The following MEI4 variants were observed in gnomAD, a reference collection of about 807,000 sequenced individuals.
MEI4 encodes the protein meiotic double-stranded break formation protein 4.
Under a neutral mutation model 31.4 loss-of-function variants are expected in MEI4, and 27 were observed. That is an observed-to-expected ratio of 0.86 (90% CI 0.63 to 1.19). MEI4 has a LOEUF of 1.19. MEI4 is among the 50% of genes most tolerant of loss of function. The pLI, the probability that MEI4 is intolerant of heterozygous loss-of-function variation, is 0.00. For missense variants in MEI4, 329 were observed against 398.9 expected, an observed-to-expected ratio of 0.82 and a Z score of 1.49; for synonymous variants, 122 against 145.4, an observed-to-expected ratio of 0.84 and a Z score of 1.16.
intron 2 of MEI4, among the ~76,000 whole-genome samples, chr6:77,695,145 TG>T (rs1765988593): frequency 6.6e-6 from 1 of 152,196 alleles, no homozygotes; most frequent in South Asian, 2.1e-4. Context: ...TTGAGTTCAT[TG>T]TAGATTCTGG....
At chr6:77,741,776 C>A (rs1213749444) in intron 2 of MEI4, among the ~76,000 whole-genome samples, 33 of 111,534 alleles carry the variant, frequency 3.0e-4, no homozygotes, top group East Asian at 1.4e-3. Context: ...CCCCTCCCCC[C>A]ACCCCACAAC....
At chr6:77,665,443 G>A (rs1220064808) in intron 1 of MEI4, among the ~76,000 whole-genome samples, 1 of 152,032 alleles carries the variant, frequency 6.6e-6, no homozygotes, top group Non-Finnish European at 1.5e-5. Context: ...TGCCGCTAAG[G>A]GTGAAGGAGA....
chr6:77,669,020 T>C (rs1768688279), intron 1 of MEI4, among the ~76,000 whole-genome samples: 1 of 152,182 alleles, frequency 6.6e-6, no homozygotes, highest in African/African-American at 2.4e-5. Flanking sequence ...CTTTCCATCA[T>C]CTAGAAGCAT....
At chr6:77,734,011 T>G (rs999794085) in intron 2 of MEI4, among the ~76,000 whole-genome samples, 9 of 152,020 alleles carry the variant, frequency 5.9e-5, no homozygotes, top group Admixed American at 2.0e-4. Context: ...TATAATTTCT[T>G]TTCTTTTACA....
intron 1 of MEI4, among the ~76,000 whole-genome samples, chr6:77,658,433 A>G (rs1356481466): frequency 2.6e-5 from 4 of 152,118 alleles, no homozygotes; most frequent in African/African-American, 7.2e-5. Flanking sequence ...AGGGGATGCG[A>G]TGGCTTGGCT....
intron 2 of MEI4, among the ~76,000 whole-genome samples, chr6:77,730,488 G>C (rs1766950001): frequency 6.6e-6 from 1 of 152,044 alleles, no homozygotes; most frequent in Admixed American, 6.6e-5. Context: ...AATCCAAAGA[G>C]AGATGGTTTC....
intron 2 of MEI4, among the ~76,000 whole-genome samples, chr6:77,755,069 A>G (rs1767878993): frequency 6.6e-6 from 1 of 152,114 alleles, no homozygotes; most frequent in East Asian, 1.9e-4. Context: ...AGTTGGTGGC[A>G]CCTGTAATTC....
rs1388100080 is a variant in MEI4, at chr6:77,924,416, T to C, written c.*1070T>C. ...GCATTTTTGAAAAGATAATGCCTTT[T>C]TGATAATCCTGAAACTACATGTATG... On this transcript the variant is annotated 3_prime_UTR_variant, in exon 5 of 5. Coordinates refer to ENST00000684080, the MANE Select transcript of MEI4 (RefSeq NM_001322247.2). The C allele has an allele frequency of 1.3e-5, 2 of 151,912 alleles. No individual in the cohort carries two copies. The highest frequency in any genetic ancestry group is 2.4e-5 in the African/African-American group (1 of 41,400). 9.4% of individuals were successfully genotyped at this position (151,912 alleles called of 1,614,324 possible). A position where few individuals can be genotyped will look rare whatever the true frequency, so the allele number is the denominator to read the frequency against.
chr6:77,653,262 A>T (rs1207152275), intron 1 of MEI4, among the ~76,000 whole-genome samples, 170 bp downstream of exon 1: 7 of 152,196 alleles, frequency 4.6e-5, no homozygotes, highest in Non-Finnish European at 7.3e-5. Context: ...TATTCATGCT[A>T]CATTGATTAC....
intron 2 of MEI4, among the ~76,000 whole-genome samples, chr6:77,708,558 A>G (rs1766383422): frequency 6.6e-6 from 1 of 152,214 alleles, no homozygotes; most frequent in South Asian, 2.1e-4. Flanking sequence ...GGGGTGCCAG[A>G]GACAGAATTA....
intron 2 of MEI4, among the ~76,000 whole-genome samples, chr6:77,729,970 C>A (rs1436253704): frequency 6.6e-6 from 1 of 151,954 alleles, no homozygotes; most frequent in Non-Finnish European, 1.5e-5. Context: ...CTAAAGGTAA[C>A]ATCCCAGCAG....
In MEI4 at chr6:77,855,180, T is replaced by TA. The variant is rs922329758; in HGVS notation, c.900+26125dup. Among the ~76,000 whole-genome samples, 8 of 151,772 alleles carry TA rather than the reference T, an allele frequency of 5.3e-5. No individual in the cohort carries two copies. In the East Asian group the frequency reaches 5.8e-4, roughly 11 times the overall value. Reference sequence around the variant, plus strand: ...CAACATGGGGAAACCCTGTCTCTACTAAAAAAATACAAAAATTAGCCAGGC... The same window carrying TA: ...CAACATGGGGAAACCCTGTCTCTACTAAAAAAAATACAAAAATTAGCCAGGC... On this transcript the variant is annotated intron_variant, in intron 4 of 4. Transcript: ENST00000684080.
intron 4 of MEI4, among the ~76,000 whole-genome samples, chr6:77,844,648 A>G (rs560491878): frequency 6.6e-6 from 1 of 152,296 alleles, no homozygotes; most frequent in East Asian, 1.9e-4. Flanking sequence ...TTAATTCTAA[A>G]ATTTAAATTA....
chr6:77,921,285 A>T (rs1045489374), intron 4 of MEI4, among the ~76,000 whole-genome samples: 1 of 151,856 alleles, frequency 6.6e-6, no homozygotes, highest in Non-Finnish European at 1.5e-5. Context: ...AAGCCTCCTG[A>T]ACCAGCCTCT....
chr6:77,850,665 T>A (rs185332659), intron 4 of MEI4, among the ~76,000 whole-genome samples: 102 of 152,196 alleles, frequency 6.7e-4, no homozygotes, highest in African/African-American at 2.4e-3. Flanking sequence ...AAATGTTAGA[T>A]CTAAAACCAT....
Position 77,761,150 on chromosome 6 carries a change from G to A in MEI4, c.253G>A (p.Glu85Lys). 2.4e-6 allele frequency: 3 copies of A among 1,231,946 alleles called. No individual in the cohort carries two copies. Among genetic ancestry groups the A allele is most frequent in the Non-Finnish European group, 3.0e-6 (3 of 987,870 alleles). 76.3% of individuals were successfully genotyped at this position (1,231,946 alleles called of 1,614,324 possible). A position where few individuals can be genotyped will look rare whatever the true frequency, so the allele number is the denominator to read the frequency against. Residue 85 changes from glutamate to lysine, a missense_variant, in exon 3 of 5, where the codon GAG becomes AAG. By Grantham distance (56) the Glu-to-Lys change is moderately conservative (BLOSUM62 1). Transcript: ENST00000684080. Reference sequence around the variant, plus strand: ...TTCAGGATACGTTTCCTCCCAGTTGGAGGCTCAGGAACCTAAGAGTTCTGA... The same window carrying A: ...TTCAGGATACGTTTCCTCCCAGTTGAAGGCTCAGGAACCTAAGAGTTCTGA... ...FKSGYVSSQL[E>K]AQEPKSSEST...
intron 2 of MEI4, among the ~76,000 whole-genome samples, chr6:77,692,683 C>T (rs1460940349): frequency 6.6e-6 from 1 of 151,914 alleles, no homozygotes; most frequent in Non-Finnish European, 1.5e-5. Context: ...TAGGGTAATA[C>T]CTAAATACCT....
In MEI4 at chr6:77,803,604, T is replaced by A. The variant is rs183062520; in HGVS notation, c.769-25327T>A. Among the ~76,000 whole-genome samples, 11 of 152,320 alleles carry A rather than the reference T, an allele frequency of 7.2e-5. No homozygotes were observed. The East Asian group carries it at 2.1e-3, about 29-fold the overall frequency. ...TGTTTTTTCCCCATCTTTGTGGTTT[T>A]ATCTACCTTTGGTCTTTGATGATGG... On this transcript the variant is annotated intron_variant, in intron 3 of 4. Transcript: ENST00000684080.
intron 1 of MEI4, among the ~76,000 whole-genome samples, chr6:77,666,601 A>G (rs1768637608): frequency 6.6e-6 from 1 of 152,234 alleles, no homozygotes; most frequent in African/African-American, 2.4e-5. Context: ...ACTGAGGCAC[A>G]GAGAGGTTGT....
Sources: allele counts gnomAD v4.1 joint callset (sites outside exome capture counted in the v4.1 genomes callset), GRCh38; gene constraint gnomAD v4.1.1; transcripts MANE v1.5; gene names NCBI Gene and HGNC (gene_info 2026-07-23, HGNC 2026-07-21).